The following PTPRD variants were observed in gnomAD, a reference collection of about 807,000 sequenced individuals.
PTPRD encodes protein tyrosine phosphatase receptor type D, also known as receptor-type tyrosine-protein phosphatase delta.
A neutral mutation model predicts 214.5 loss-of-function variants in PTPRD; 34 were observed. That is an observed-to-expected ratio of 0.16 (90% confidence interval 0.12 to 0.21). PTPRD has a LOEUF of 0.21. Among genes scored for constraint, PTPRD ranks in the 10% least tolerant of loss-of-function variants. The pLI is 1.00. For synonymous variants in PTPRD, 1,128 were observed against 845.7 expected (o/e 1.33, Z -5.79); for missense variants, 2,545 against 2,398.7 (o/e 1.06, Z -1.27).
At chr9:10,169,609 T>C (rs1254777365) in intron 3 of PTPRD, among the ~76,000 whole-genome samples, 1 of 152,090 alleles carries the variant, frequency 6.6e-6, no homozygotes. Flanking sequence ...TTAAAGGTAC[T>C]GTAAAAAACC....
chr9:9,259,189 T>C (rs965739134), intron 9 of PTPRD, among the ~76,000 whole-genome samples: 26 of 151,968 alleles, frequency 1.7e-4, no homozygotes, highest in Admixed American at 6.6e-4. Context: ...CTTCAACCAG[T>C]GACTGCCAGA....
chr9:9,156,756 T>C (rs1055503661), intron 10 of PTPRD, among the ~76,000 whole-genome samples: 1 of 152,068 alleles, frequency 6.6e-6, no homozygotes, highest in African/African-American at 2.4e-5. Flanking sequence ...AATCTTAGAG[T>C]CTTCTCCATT....
intron 21 of PTPRD, among the ~76,000 whole-genome samples, chr9:8,509,452 A>G (rs2097626035): frequency 1.3e-5 from 2 of 152,016 alleles, no homozygotes; most frequent in South Asian, 2.1e-4. Flanking sequence ...CTTTCTCCCA[A>G]TTTCCTGGGA....
chr9:9,232,683 T>C (rs1469705873), intron 9 of PTPRD, among the ~76,000 whole-genome samples: 1 of 152,154 alleles, frequency 6.6e-6, no homozygotes, highest in Non-Finnish European at 1.5e-5. Flanking sequence ...TATTTATTTA[T>C]TATTAATCTA....
chr9:9,564,894 T>G (rs958684860), intron 8 of PTPRD, among the ~76,000 whole-genome samples: 1,544 of 133,930 alleles, frequency 0.012, 31 homozygotes, highest in African/African-American at 0.043. Context: ...GTTTTTTTTT[T>G]TTTTTTTTTT....
chr9:9,199,634 T>C (rs982342470), intron 9 of PTPRD, among the ~76,000 whole-genome samples: 1 of 152,182 alleles, frequency 6.6e-6, no homozygotes, highest in African/African-American at 2.4e-5. Context: ...GAAAGATGAA[T>C]ATAAATAGGT....
At chr9:10,212,228 G>A (rs1021011653) in intron 3 of PTPRD, among the ~76,000 whole-genome samples, 2 of 151,948 alleles carry the variant, frequency 1.3e-5, no homozygotes, top group African/African-American at 4.8e-5. Flanking sequence ...TAAACATAAT[G>A]TTTGTGCAAG....
At chr9:10,110,388 A>T (rs1020656710) in intron 3 of PTPRD, among the ~76,000 whole-genome samples, 1 of 152,212 alleles carries the variant, frequency 6.6e-6, no homozygotes. Flanking sequence ...ACTAAGAAGC[A>T]GTGTCACAGT....
At chr9:8,842,573 G>A (rs1292404689) in intron 11 of PTPRD, among the ~76,000 whole-genome samples, 1 of 152,106 alleles carries the variant, frequency 6.6e-6, no homozygotes, top group Admixed American at 6.5e-5. Flanking sequence ...GGGAGACTGT[G>A]GAGAGGTAGG....
chr9:9,787,413 A>G (rs1387596430), intron 5 of PTPRD, among the ~76,000 whole-genome samples: 3 of 136,286 alleles, frequency 2.2e-5, no homozygotes, highest in African/African-American at 9.3e-5. Context: ...TGTTTATGTC[A>G]ACTATGTAAA....
At chr9:9,802,052 G>C (rs2099043992) in intron 5 of PTPRD, among the ~76,000 whole-genome samples, 1 of 152,066 alleles carries the variant, frequency 6.6e-6, no homozygotes, top group Admixed American at 6.6e-5. Flanking sequence ...ATTTCAAATT[G>C]AATGTGTTTA....
intron 11 of PTPRD, among the ~76,000 whole-genome samples, chr9:8,844,588 T>C (rs955089090): frequency 2.0e-5 from 3 of 152,150 alleles, no homozygotes; most frequent in Admixed American, 6.5e-5. Flanking sequence ...TGTACAATAA[T>C]CCATTGTCTG....
chr9:8,460,389 C>T (rs2096364432), intron 33 of PTPRD, 22 bp downstream of exon 33: 1 of 1,608,850 alleles, frequency 6.2e-7, no homozygotes, highest in African/African-American at 1.3e-5. Flanking sequence ...AAAATTACAA[C>T]AGAAATATTG....
chr9:10,410,299 A>G (rs958791007), intron 2 of PTPRD, among the ~76,000 whole-genome samples: 1 of 145,848 alleles, frequency 6.9e-6, no homozygotes, highest in Admixed American at 7.0e-5. Context: ...TATAATATAT[A>G]TAATATATAT....
intron 10 of PTPRD, among the ~76,000 whole-genome samples, chr9:9,171,661 T>C (rs1287489999): frequency 3.3e-5 from 5 of 151,972 alleles, no homozygotes; most frequent in Non-Finnish European, 7.4e-5. Context: ...GAAGAGAGAC[T>C]GCAGGTAGAC....
chr9:8,640,961 G>T (rs151078660), intron 12 of PTPRD, among the ~76,000 whole-genome samples: 1 of 148,696 alleles, frequency 6.7e-6, no homozygotes, highest in East Asian at 1.9e-4. Context: ...CCAAAGGAAA[G>T]ATATGAGGTA....
intron 2 of PTPRD, among the ~76,000 whole-genome samples, chr9:10,517,762 G>A (rs887558884): frequency 6.6e-6 from 1 of 151,990 alleles, no homozygotes; most frequent in Non-Finnish European, 1.5e-5. Context: ...TTCCAAGTTG[G>A]AAATGTTAAC....
intron 9 of PTPRD, among the ~76,000 whole-genome samples, chr9:9,323,106 A>G (rs1195563975): frequency 2.0e-5 from 3 of 152,166 alleles, no homozygotes; most frequent in African/African-American, 7.2e-5. Context: ...TACTATGGCC[A>G]GAATATATCA....
At chr9:8,880,516 T>C (rs973508318) in intron 11 of PTPRD, among the ~76,000 whole-genome samples, 2 of 152,180 alleles carry the variant, frequency 1.3e-5, no homozygotes, top group African/African-American at 4.8e-5. Context: ...TGTTCAGAGC[T>C]AACTATTACT....
Sources: allele counts gnomAD v4.1 joint callset (sites outside exome capture counted in the v4.1 genomes callset), GRCh38; gene constraint gnomAD v4.1.1; transcripts MANE v1.5; gene names NCBI Gene and HGNC (gene_info 2026-07-23, HGNC 2026-07-21).